SPATA6: variants seen among roughly 807,000 people sequenced by gnomAD.
SPATA6 encodes the protein spermatogenesis associated 6, also known as spermatogenesis-associated protein 6.
In SPATA6, 56 loss-of-function variants were observed where a neutral mutation model predicts 65.3. The ratio of observed to expected loss-of-function variants is 0.86; its 90% confidence interval spans 0.69 to 1.07. The LOEUF is 1.07. Among genes scored for constraint, SPATA6 ranks in the 50% least tolerant of loss-of-function variants. The probability of loss-of-function intolerance (pLI) is 0.00; values close to 1 mark genes in which losing one functional copy is unlikely to be tolerated. For synonymous variants in SPATA6, 199 were observed against 213.2 expected (o/e 0.93, Z 0.58); for missense variants, 590 against 594.8 (o/e 0.99, Z 0.08).
chr1:48,337,300 A>C (rs1646087095), intron 11 of SPATA6, among the ~76,000 whole-genome samples: 1 of 151,920 alleles, frequency 6.6e-6, no homozygotes, highest in South Asian at 2.1e-4. Context: ...TCATCTCAGT[A>C]GATACAATGG....
intron 11 of SPATA6, among the ~76,000 whole-genome samples, chr1:48,318,726 C>T (rs1645512464): frequency 6.6e-6 from 1 of 152,048 alleles, no homozygotes; most frequent in Non-Finnish European, 1.5e-5. Context: ...TAACACAATT[C>T]CTATACAATT....
the SPATA6 span, among the ~76,000 whole-genome samples, chr1:48,288,572 G>A: frequency 8.5e-5 from 13 of 152,158 alleles, no homozygotes; most frequent in Admixed American, 7.9e-4. Flanking sequence ...GAAGTGCAAG[G>A]GGTCAGAGAA....
At chr1:48,416,791 T>A (rs1652827025) in intron 3 of SPATA6, among the ~76,000 whole-genome samples, 1 of 151,886 alleles carries the variant, frequency 6.6e-6, no homozygotes, top group Non-Finnish European at 1.5e-5. Flanking sequence ...TCAACTCAAA[T>A]CAACTAATAT....
chr1:48,277,950 A>G, the SPATA6 span, among the ~76,000 whole-genome samples: 1 of 152,154 alleles, frequency 6.6e-6, no homozygotes, highest in African/African-American at 2.4e-5. Flanking sequence ...GCGGACTGAC[A>G]CCTCACATGG....
rs2354008 is a variant in SPATA6 at position 48,348,421 on chromosome 1, A to G, written c.1194+7249T>C. 9.8e-4 allele frequency among the ~76,000 whole-genome samples: 149 copies of G among 152,004 alleles called. 1 individual carries two copies. The East Asian group carries it at 0.025, about 26-fold the overall frequency. ...TAATCCAATTCTACAGTTTTGTATA[A>G]TATTATTCCAATACTGATGACCAGA... On this transcript the variant is annotated intron_variant, in intron 11 of 12. Transcript: ENST00000371847.
rs528201969 is a variant in SPATA6, at chr1:48,461,996, G to A, written c.52-8865C>T. Among the ~76,000 whole-genome samples the A allele has an allele frequency of 1.5e-4, 23 of 152,246 alleles. No individual in the cohort carries two copies. The South Asian group carries it at 3.7e-3, about 25-fold the overall frequency. ...TAAGAAAATGTGGCACATATACACC[G>A]TGGCATACTATGCAGCCATAAAAAA... On this transcript the variant is annotated intron_variant, in intron 1 of 12. Coordinates refer to ENST00000371847, the MANE Select transcript of SPATA6 (RefSeq NM_019073.4).
At position 48,296,838 on chromosome 1, in the gene SPATA6, T is replaced by G. The variant is rs532031966; in HGVS notation, c.*1875A>C. The stretch of plus-strand genomic sequence containing the variant: ...GAGGAGCTAGGGGAATGGGGGGTGG[T>G]GGCAAGAATAACAAATAGTGGTACA... On this transcript the variant is annotated 3_prime_UTR_variant, in exon 13 of 13. Transcript: ENST00000371847. 4.6e-5 allele frequency: 7 copies of G among 152,154 alleles called. No individual in the cohort carries two copies. The highest frequency in any genetic ancestry group is 8.8e-5 in the Non-Finnish European group (6 of 67,998). 9.4% of individuals were successfully genotyped at this position (152,154 alleles called of 1,614,324 possible).
the SPATA6 span, among the ~76,000 whole-genome samples, chr1:48,275,816 A>C: frequency 6.6e-6 from 1 of 152,076 alleles, no homozygotes; most frequent in Non-Finnish European, 1.5e-5. Context: ...TGCCTCTGCC[A>C]GGTTTTGGTA....
chr1:48,279,007 AG>A, the SPATA6 span, among the ~76,000 whole-genome samples: 1 of 152,230 alleles, frequency 6.6e-6, no homozygotes, highest in Non-Finnish European at 1.5e-5. Context: ...ACAAGCCAGA[AG>A]AGAGTGGGGG....
intron 11 of SPATA6, among the ~76,000 whole-genome samples, chr1:48,315,184 T>C (rs1187133166): frequency 6.6e-6 from 1 of 152,196 alleles, no homozygotes; most frequent in Non-Finnish European, 1.5e-5. Context: ...CCTCCCTAAC[T>C]CATTTTATGA....
chr1:48,418,933 A>G (rs1441226813), intron 3 of SPATA6, among the ~76,000 whole-genome samples: 2 of 151,804 alleles, frequency 1.3e-5, no homozygotes, highest in African/African-American at 4.8e-5. Flanking sequence ...GGAAGGGAAG[A>G]AGAAATCAAA....
intron 4 of SPATA6, among the ~76,000 whole-genome samples, chr1:48,412,015 C>A (rs376165233): frequency 6.6e-6 from 1 of 151,922 alleles, no homozygotes; most frequent in African/African-American, 2.4e-5. Flanking sequence ...TACAGGCATG[C>A]GCCACCACAC....
chr1:48,286,919 G>A, the SPATA6 span, among the ~76,000 whole-genome samples: 5 of 151,478 alleles, frequency 3.3e-5, no homozygotes, highest in Admixed American at 6.6e-5. Flanking sequence ...GGCACCTGTA[G>A]TCCCAGCTAC....
chr1:48,312,788 A>T (rs1331602229), intron 11 of SPATA6, among the ~76,000 whole-genome samples: 1 of 152,194 alleles, frequency 6.6e-6, no homozygotes, highest in Non-Finnish European at 1.5e-5. Flanking sequence ...CAAAGAAGTT[A>T]AAAACCTTGA....
intron 11 of SPATA6, among the ~76,000 whole-genome samples, chr1:48,347,299 C>T (rs948130731): frequency 1.3e-5 from 2 of 151,324 alleles, no homozygotes; most frequent in Non-Finnish European, 3.0e-5. Flanking sequence ...ACACCATATA[C>T]AAAAAGTAAC....
At chr1:48,435,023 G>A (rs1270881983) in intron 3 of SPATA6, among the ~76,000 whole-genome samples, 1 of 150,968 alleles carries the variant, frequency 6.6e-6, no homozygotes, top group Non-Finnish European at 1.5e-5. Context: ...AATACATATA[G>A]TTAATATATA....
chr1:48,312,139 G>A (rs1022471619), intron 11 of SPATA6, among the ~76,000 whole-genome samples: 4 of 152,200 alleles, frequency 2.6e-5, no homozygotes, highest in African/African-American at 9.6e-5. Context: ...ACCTCTGGGG[G>A]CAGGGAATAG....
At position 48,437,842 on chromosome 1, in the gene SPATA6, A is replaced by G. The variant is rs116995050; in HGVS notation, c.238+13710T>C. Among the ~76,000 whole-genome samples the G allele has an allele frequency of 5.1e-3, 781 of 151,770 alleles. 20 individuals are homozygous for G. The highest frequency in any genetic ancestry group is 0.05 in the South Asian group (241 of 4,804). On this transcript the variant is annotated intron_variant, in intron 3 of 12. Coordinates refer to ENST00000371847, the MANE Select transcript of SPATA6 (RefSeq NM_019073.4). ...GTAACACTTTCCTACTTTGTAAATT[A>G]TAGATCTTAAATTCATGCACCCCGT...
At chr1:48,306,375 A>T (rs2148655587) in intron 11 of SPATA6, among the ~76,000 whole-genome samples, 1 of 152,120 alleles carries the variant, frequency 6.6e-6, no homozygotes, top group Non-Finnish European at 1.5e-5. Flanking sequence ...GAAAAGGCAA[A>T]AATGAAAGGC....
Sources: allele counts gnomAD v4.1 joint callset (sites outside exome capture counted in the v4.1 genomes callset), GRCh38; gene constraint gnomAD v4.1.1; transcripts MANE v1.5; gene names NCBI Gene and HGNC (gene_info 2026-07-23, HGNC 2026-07-21).